Variants in RNF2 observed in about 807,000 individuals in gnomAD.
The protein encoded by RNF2 is ring finger protein 2.
Under a neutral mutation model 37.2 loss-of-function variants are expected in RNF2, and 6 were observed. The observed-to-expected ratio is 0.16, with a 90% CI of 0.09 to 0.32. The LOEUF (loss-of-function observed/expected upper bound fraction) is 0.32. RNF2 is among the 10% of genes least tolerant of loss of function. The pLI, the probability that RNF2 is intolerant of heterozygous loss-of-function variation, is 1.00. For synonymous variants in RNF2, 133 were observed against 132.7 expected, an observed-to-expected ratio of 1.00 and a Z score of -0.02; for missense variants, 251 against 404.0, an observed-to-expected ratio of 0.62 and a Z score of 3.25.
chr1:185,085,779 G>A (rs549929250), intron 1 of RNF2, among the ~76,000 whole-genome samples: 5 of 151,652 alleles, frequency 3.3e-5, no homozygotes, highest in South Asian at 2.1e-4. Context: ...TCATCCTCCC[G>A]CATAGCTGGG....
chr1:185,094,053 A>G (rs915119504), intron 4 of RNF2, among the ~76,000 whole-genome samples: 2 of 151,384 alleles, frequency 1.3e-5, no homozygotes, highest in East Asian at 2.0e-4. Flanking sequence ...CTTACTCCCT[A>G]CTTCTCTTCA....
At position 185,100,356 on chromosome 1, in the gene RNF2, T is replaced by C; in HGVS notation, c.*55T>C. ...TTTTTTATAGCCTATTTCTTTAATATTAAAGATGTACTGGCATTACTTTTA... is the reference window on the plus strand; with the variant it reads ...TTTTTTATAGCCTATTTCTTTAATACTAAAGATGTACTGGCATTACTTTTA... On this transcript the variant is annotated 3_prime_UTR_variant, in exon 7 of 7. Coordinates refer to ENST00000367510, the MANE Select transcript of RNF2 (RefSeq NM_007212.4). 8.5e-7 allele frequency: 1 copy of C among 1,173,202 alleles called. No homozygotes were observed. The highest frequency in any genetic ancestry group is 1.2e-6 in the Non-Finnish European group (1 of 805,860). 72.7% of individuals were successfully genotyped at this position (1,173,202 alleles called of 1,614,324 possible). A position where few individuals can be genotyped will look rare whatever the true frequency, so the allele number is the denominator to read the frequency against.
At chr1:185,054,664 C>A (rs1384465320) in intron 1 of RNF2, among the ~76,000 whole-genome samples, 2 of 152,084 alleles carry the variant, frequency 1.3e-5, no homozygotes, top group African/African-American at 2.4e-5. Context: ...GCCTCAGTTT[C>A]TTTTTAATCT....
intron 1 of RNF2, among the ~76,000 whole-genome samples, chr1:185,059,164 A>G (rs1347928588): frequency 6.6e-6 from 1 of 151,586 alleles, no homozygotes; most frequent in African/African-American, 2.4e-5. Context: ...AAGTTAGTCT[A>G]CCTTTTGGAA....
chr1:185,073,631 A>G (rs1651052410), intron 1 of RNF2, among the ~76,000 whole-genome samples: 1 of 152,220 alleles, frequency 6.6e-6, no homozygotes, highest in Non-Finnish European at 1.5e-5. Flanking sequence ...GTTAAAATGC[A>G]TATTATACTG....
chr1:185,083,471 A>G (rs1296537184), intron 1 of RNF2, among the ~76,000 whole-genome samples: 3 of 151,860 alleles, frequency 2.0e-5, no homozygotes, highest in Non-Finnish European at 2.9e-5. Context: ...CTTGACGGCA[A>G]TTTCTCATGT....
At chr1:185,085,427 C>T (rs1375928461) in intron 1 of RNF2, among the ~76,000 whole-genome samples, 2 of 151,910 alleles carry the variant, frequency 1.3e-5, no homozygotes, top group African/African-American at 2.4e-5. Flanking sequence ...TGAGCCACCG[C>T]GCCCGGCCTG....
chr1:185,072,960 A>T lies in RNF2; in HGVS notation c.-2-14592A>T, dbSNP rs564992451. On this transcript the variant is annotated intron_variant, in intron 1 of 6. Coordinates refer to ENST00000367510, the MANE Select transcript of RNF2 (RefSeq NM_007212.4). ...GTCTCAAAAAAACAAACAAAAAAAC[A>T]TAGTGAACAGAACTCAGAATGACAT... Among the ~76,000 whole-genome samples, 5 of 152,042 alleles carry T rather than the reference A, an allele frequency of 3.3e-5. No individual in the cohort carries two copies. The South Asian group carries it at 1.0e-3, about 32-fold the overall frequency.
rs1271760666 is a variant in RNF2 at position 185,092,921 on chromosome 1, C to G, written c.249-140C>G. ...CACTAGTCAGATTTTCAAGGAAATTCAGGATAATTGGTTTACATTTCTGTG... is the reference window on the plus strand; with the variant it reads ...CACTAGTCAGATTTTCAAGGAAATTGAGGATAATTGGTTTACATTTCTGTG... On this transcript the variant is annotated intron_variant, in intron 3 of 6. Coordinates refer to ENST00000367510, the MANE Select transcript of RNF2 (RefSeq NM_007212.4). The G allele has an allele frequency of 3.9e-6, 3 of 776,384 alleles. No homozygotes were observed. In the African/African-American group the frequency reaches 5.3e-5, roughly 14 times the overall value. 48.1% of individuals were successfully genotyped at this position (776,384 alleles called of 1,614,324 possible).
intron 1 of RNF2, among the ~76,000 whole-genome samples, chr1:185,062,255 G>A (rs1208297003): frequency 2.0e-5 from 3 of 152,274 alleles, no homozygotes; most frequent in African/African-American, 7.2e-5. Context: ...TATACACTGT[G>A]TATACCTGAA....
At chr1:185,066,185 A>G (rs1650793833) in intron 1 of RNF2, among the ~76,000 whole-genome samples, 1 of 152,230 alleles carries the variant, frequency 6.6e-6, no homozygotes, top group Non-Finnish European at 1.5e-5. Context: ...GCCAAAGGTG[A>G]TCTCTTCGTC....
At position 185,053,277 on chromosome 1, in the gene RNF2, T is replaced by C. The variant is rs185102414; in HGVS notation, c.-3+7628T>C. The stretch of plus-strand genomic sequence containing the variant: ...AGTTTTCCCCCTACATTTATTTTTA[T>C]GTTGATCCACATACTCCTGTCATTA... On this transcript the variant is annotated intron_variant, in intron 1 of 6. Coordinates refer to ENST00000367510, the MANE Select transcript of RNF2 (RefSeq NM_007212.4). Among the ~76,000 whole-genome samples, 669 of 152,286 alleles carry C rather than the reference T, an allele frequency of 4.4e-3. 12 individuals carry two copies. Among genetic ancestry groups the C allele is most frequent in the African/African-American group, 0.015 (642 of 41,560 alleles).
chr1:185,098,924 G>A (rs894318684), intron 5 of RNF2, among the ~76,000 whole-genome samples: 1 of 150,586 alleles, frequency 6.6e-6, no homozygotes, highest in African/African-American at 2.4e-5. Context: ...GCTAATTTTT[G>A]TATTTTTAGT....
intron 1 of RNF2, among the ~76,000 whole-genome samples, chr1:185,052,029 G>A (rs1483988622): frequency 6.6e-6 from 1 of 151,674 alleles, no homozygotes; most frequent in African/African-American, 2.4e-5. Context: ...ACCCAGGAAA[G>A]TTTCAGTGTT....
chr1:185,098,272 G>A lies in RNF2; in HGVS notation c.665G>A (p.Gly222Asp). Residue 222 changes from glycine (G) to aspartate (D), a missense_variant, in exon 5 of 7, where the codon GGT (glycine) becomes GAT (aspartate). Around this residue, in one of 7 missense-constraint regions of RNF2, gnomAD observed 94 missense variants for 99.2 expected, o/e 0.95. Transcript: ENST00000367510. Reference sequence around the variant, plus strand: ...ATGGCAATTGATCCAGTAATGGATGGTGCTAGTGAAATTGAATTAGTATTC... The same window carrying A: ...ATGGCAATTGATCCAGTAATGGATGATGCTAGTGAAATTGAATTAGTATTC... Reference protein sequence around the residue: ...AAMAIDPVMDGASEIELVFRP... With the variant: ...AAMAIDPVMDDASEIELVFRP... 1 of 1,614,126 alleles carries A rather than the reference G, an allele frequency of 6.2e-7. No homozygotes were observed. Among genetic ancestry groups the A allele is most frequent in the Non-Finnish European group, 8.5e-7 (1 of 1,179,962 alleles).
chr1:185,094,394 G>A (rs1000356663), intron 4 of RNF2, among the ~76,000 whole-genome samples: 1 of 152,052 alleles, frequency 6.6e-6, no homozygotes, highest in Non-Finnish European at 1.5e-5. Flanking sequence ...GCCTGCCTCG[G>A]CCTCCCAAAG....
chr1:185,057,255 C>T (rs1053707236), intron 1 of RNF2, among the ~76,000 whole-genome samples: 4 of 152,104 alleles, frequency 2.6e-5, no homozygotes, highest in African/African-American at 9.7e-5. Context: ...AGGCTGCAAT[C>T]AGCCATGATC....
chr1:185,067,833 C>G (rs138561664), intron 1 of RNF2, among the ~76,000 whole-genome samples: 16 of 150,518 alleles, frequency 1.1e-4, no homozygotes, highest in African/African-American at 3.9e-4. Flanking sequence ...ACCTCAGCCT[C>G]TCGAGTAGCT....
At chr1:185,057,247 G>A (rs903602327) in intron 1 of RNF2, among the ~76,000 whole-genome samples, 2 of 152,106 alleles carry the variant, frequency 1.3e-5, no homozygotes, top group Non-Finnish European at 2.9e-5. Context: ...GGAGTTGGAG[G>A]CTGCAATCAG....
Sources: gnomAD v4.1 joint callset for allele counts (sites outside exome capture counted in the v4.1 genomes callset) on GRCh38, gnomAD v4.1.1 for gene constraint, gnomAD v4.1.1 regional missense constraint, MANE v1.5 for transcripts, NCBI Gene and HGNC (gene_info 2026-07-23, HGNC 2026-07-21) for gene names.